Variants in PCLO observed in about 807,000 individuals in gnomAD.
PCLO encodes the protein piccolo presynaptic cytomatrix protein, also known as protein piccolo.
PCLO carries 82 observed loss-of-function variants against 427.5 expected under a neutral mutation model. The ratio of observed to expected loss-of-function variants is 0.19; its 90% CI spans 0.16 to 0.23. PCLO has a LOEUF of 0.23. PCLO is among the 10% of genes least tolerant of loss of function. The pLI is 1.00. For missense variants in PCLO, 6,239 were observed against 6,115.9 expected, an observed-to-expected ratio of 1.02 and a Z score of -0.67; for synonymous variants, 2,357 against 2,155.4, an observed-to-expected ratio of 1.09 and a Z score of -2.59.
intron 6 of PCLO, among the ~76,000 whole-genome samples, chr7:82,933,067 G>A (rs1010966580): frequency 2.0e-5 from 3 of 151,776 alleles, no homozygotes; most frequent in African/African-American, 7.3e-5. Flanking sequence ...ACCTTTCTAG[G>A]TTATTTTCTG....
At chr7:83,025,578 C>T (rs1027120739) in intron 3 of PCLO, among the ~76,000 whole-genome samples, 4 of 152,076 alleles carry the variant, frequency 2.6e-5, no homozygotes, top group African/African-American at 7.2e-5. Context: ...GGCAGGCCAC[C>T]GTTCAGATTC....
chr7:82,786,146 A>G (rs907121959), intron 22 of PCLO, among the ~76,000 whole-genome samples: 2 of 152,236 alleles, frequency 1.3e-5, no homozygotes, highest in African/African-American at 2.4e-5. Flanking sequence ...TAGAATGAAA[A>G]AAAGGAAAGA....
chr7:83,024,867 G>A (rs1788448042), intron 3 of PCLO, among the ~76,000 whole-genome samples: 1 of 151,960 alleles, frequency 6.6e-6, no homozygotes, highest in South Asian at 2.1e-4. Context: ...ACACGGCAGG[G>A]TACTCCAACA....
chr7:83,038,007 A>ATATATATATATT (rs1788844233), intron 3 of PCLO, among the ~76,000 whole-genome samples: 1 of 41,946 alleles, frequency 2.4e-5, no homozygotes, highest in African/African-American at 1.6e-4. Context: ...ATATATATAT[A>ATATATATATATT]TATATATATA....
intron 3 of PCLO, among the ~76,000 whole-genome samples, chr7:83,078,240 A>T (rs1790005638): frequency 6.6e-6 from 1 of 152,080 alleles, no homozygotes; most frequent in Admixed American, 6.5e-5. Flanking sequence ...TAGCAAAGAG[A>T]TTTGCTAGAT....
chr7:83,108,412 G>A (rs1790922378), intron 3 of PCLO, among the ~76,000 whole-genome samples: 1 of 152,076 alleles, frequency 6.6e-6, no homozygotes, highest in East Asian at 1.9e-4. Flanking sequence ...CAGAGAAATA[G>A]AGATACCTTC....
chr7:82,849,012 C>T (rs987842269), intron 10 of PCLO: 3 of 259,510 alleles, frequency 1.2e-5, no homozygotes, highest in African/African-American at 2.2e-5. Context: ...GAAAATAAAG[C>T]ACTTTTTTTA....
At chr7:83,149,819 CA>C (rs1792084488) in intron 2 of PCLO, among the ~76,000 whole-genome samples, 1 of 152,186 alleles carries the variant, frequency 6.6e-6, no homozygotes, top group South Asian at 2.1e-4. Flanking sequence ...TGAAGAATTT[CA>C]GTCATTATTT....
Position 82,827,944 on chromosome 7 carries a change from T to G in PCLO, c.14272A>C (p.Lys4758Gln). ...GGATTAAGACTTTTCTGGACATGTT[T>G]AGTCCTTCTCTTGTACTCAGCACTG... ...NASAEYKRRTKHVQKSLNPEW... is the reference protein window; with the variant it reads ...NASAEYKRRTQHVQKSLNPEW... Residue 4758 changes from lysine (K) to glutamine (Q), a missense_variant, in exon 17 of 25, where the codon AAA becomes CAA. Coordinates refer to ENST00000333891, the MANE Select transcript of PCLO (RefSeq NM_033026.6). 3 of 1,600,632 alleles carry G rather than the reference T, an allele frequency of 1.9e-6. No individual in the cohort carries two copies. Among genetic ancestry groups the G allele is most frequent in the Non-Finnish European group, 2.6e-6 (3 of 1,168,964 alleles).
chr7:83,087,643 C>A (rs1028604882), intron 3 of PCLO, among the ~76,000 whole-genome samples: 4 of 151,648 alleles, frequency 2.6e-5, no homozygotes, highest in Admixed American at 2.6e-4. Flanking sequence ...TTCTTTATAT[C>A]TTTTGTAATT....
intron 3 of PCLO, among the ~76,000 whole-genome samples, chr7:83,003,196 A>C (rs1787866005): frequency 6.6e-6 from 1 of 151,412 alleles, no homozygotes; most frequent in Admixed American, 6.6e-5. Context: ...AAATTTTAAA[A>C]TATACGATAA....
At chr7:82,904,678 T>C (rs1356078260) in intron 8 of PCLO, among the ~76,000 whole-genome samples, 1 of 152,032 alleles carries the variant, frequency 6.6e-6, no homozygotes, top group Non-Finnish European at 1.5e-5. Flanking sequence ...GACGTTGATG[T>C]AATCTCACAG....
chr7:82,824,448 T>A lies in PCLO; in HGVS notation c.14416-32A>T, dbSNP rs758414092. 6.4e-6 allele frequency: 9 copies of A among 1,407,016 alleles called. No homozygotes were observed. The South Asian group carries it at 1.1e-4, about 18-fold the overall frequency. The allele number at this position is 1,407,016 out of a possible 1,614,324, so 87.2% of individuals were successfully genotyped here. On this transcript the variant is annotated intron_variant, in intron 18 of 24. Transcript: ENST00000333891. ...AAAAGTGTAACAAATAAATGAAATT[T>A]AGGGACTAAAGTATAATTGATTCAT...
chr7:83,060,304 C>T (rs1789512587), intron 3 of PCLO, among the ~76,000 whole-genome samples: 2 of 152,220 alleles, frequency 1.3e-5, no homozygotes, highest in South Asian at 4.1e-4. Context: ...CTTGGCTCTG[C>T]CTTGGTGCTG....
chr7:82,893,602 A>T (rs1301999658), intron 9 of PCLO, among the ~76,000 whole-genome samples: 1 of 152,054 alleles, frequency 6.6e-6, no homozygotes, highest in African/African-American at 2.4e-5. Flanking sequence ...AAAAAGAAAA[A>T]AAATAATTCT....
At chr7:82,833,757 T>G (rs2115729458) in intron 16 of PCLO, among the ~76,000 whole-genome samples, 1 of 152,258 alleles carries the variant, frequency 6.6e-6, no homozygotes, top group Non-Finnish European at 1.5e-5. Context: ...TTGCTAGCAA[T>G]AATAATAACA....
intron 18 of PCLO, 31 bp downstream of exon 18, chr7:82,826,558 G>C: frequency 7.0e-7 from 1 of 1,436,724 alleles, no homozygotes; most frequent in Non-Finnish European, 9.8e-7. Flanking sequence ...TACCATAGCA[G>C]CAAATAAGGG....
In PCLO at chr7:82,760,516, A is replaced by G. The variant is rs942341799; in HGVS notation, c.15288+123T>C. ...AGATTCCTGGGGAGATACTGCTGAAAATTAATTAACTTCTCAAATGTCATA... is the reference window on the plus strand; with the variant it reads ...AGATTCCTGGGGAGATACTGCTGAAGATTAATTAACTTCTCAAATGTCATA... On this transcript the variant is annotated intron_variant, in intron 24 of 24. Transcript: ENST00000333891. 34 of 580,350 alleles carry G rather than the reference A, an allele frequency of 5.9e-5. No homozygotes were observed. In the East Asian group the frequency reaches 1.2e-3, roughly 20 times the overall value. 36.0% of individuals were successfully genotyped at this position (580,350 alleles called of 1,614,324 possible).
chr7:82,793,299 A>T (rs1247146210), intron 22 of PCLO, among the ~76,000 whole-genome samples: 1 of 152,098 alleles, frequency 6.6e-6, no homozygotes, highest in Non-Finnish European at 1.5e-5. Flanking sequence ...TGGGGTTTTT[A>T]AGGGTAGTAC....
Sources: gnomAD v4.1 joint callset for allele counts (sites outside exome capture counted in the v4.1 genomes callset) on GRCh38, gnomAD v4.1.1 for gene constraint, MANE v1.5 for transcripts, NCBI Gene and HGNC (gene_info 2026-07-23, HGNC 2026-07-21) for gene names.